TIAL1: variants seen among roughly 807,000 people sequenced by gnomAD.
TIAL1 encodes TIA1 cytotoxic granule associated RNA binding protein like 1, also known as nucleolysin TIAR.
A neutral mutation model predicts 59.7 loss-of-function variants in TIAL1; 7 were observed. That is an observed-to-expected ratio of 0.12 (90% CI 0.07 to 0.22). TIAL1 has a LOEUF of 0.22. TIAL1 is among the 10% of genes least tolerant of loss of function. The probability of loss-of-function intolerance (pLI) is 1.00; values close to 1 mark genes in which losing one functional copy is unlikely to be tolerated. For synonymous variants in TIAL1, 149 were observed against 146.3 expected (o/e 1.02, Z -0.13); for missense variants, 225 against 462.5 (o/e 0.49, Z 4.71).
In TIAL1 at chr10:119,575,623, C is replaced by T. The variant is rs755726615; in HGVS notation, c.*42G>A. ...ATGTCTTCAGAGTGTCACAGGAAAT[C>T]GAAGCCTATCATGAATTACAATTTT... On this transcript the variant is annotated 3_prime_UTR_variant, in exon 12 of 12. Transcript: ENST00000436547. 6.8e-6 allele frequency: 11 copies of T among 1,609,560 alleles called. No homozygotes were observed. The highest frequency in any genetic ancestry group is 6.7e-5 in the East Asian group (3 of 44,760).
intron 5 of TIAL1, chr10:119,581,672 C>A (rs1456253353): frequency 9.3e-6 from 3 of 321,018 alleles, no homozygotes; most frequent in Non-Finnish European, 1.1e-5. Context: ...AGATAACAAA[C>A]AGAATCACTT....
intron 1 of TIAL1, among the ~76,000 whole-genome samples, chr10:119,595,071 C>T (rs919484302): frequency 2.0e-4 from 31 of 152,268 alleles, no homozygotes; most frequent in African/African-American, 6.0e-4. Context: ...ATTCTCAAAA[C>T]GGGACGGATA....
chr10:119,579,810 A>G (rs1845218017), intron 6 of TIAL1, 125 bp downstream of exon 6: 1 of 645,998 alleles, frequency 1.5e-6, no homozygotes, highest in East Asian at 3.0e-5. Flanking sequence ...AAACATACAT[A>G]ACATTACATA....
Position 119,582,747 on chromosome 10 carries a change from A to G in TIAL1, c.130-190T>C. The G allele has an allele frequency of 1.4e-6, 1 of 728,278 alleles. No homozygotes were observed. The highest frequency in any genetic ancestry group is 3.1e-5 in the East Asian group (1 of 32,700). The allele number at this position is 728,278 out of a possible 1,614,324, so 45.1% of individuals were successfully genotyped here. A position where few individuals can be genotyped will look rare whatever the true frequency, so the allele number is the denominator to read the frequency against. ...ACTTTGCACCTCAGAATACTGCTGA[A>G]CTCAAACGGAACTATAAAAGCAGTT... On this transcript the variant is annotated intron_variant, in intron 2 of 11. Transcript: ENST00000436547. This position sits in a 1 kb window ranked among gnomAD's most constrained non-coding sequence, Gnocchi z 5.1.
chr10:119,595,469 G>C (rs1846120700), intron 1 of TIAL1, among the ~76,000 whole-genome samples: 1 of 151,538 alleles, frequency 6.6e-6, no homozygotes, highest in South Asian at 2.1e-4. Context: ...GAGAAAAGGA[G>C]TGCCACACTA....
At chr10:119,585,777 T>C (rs1294896768) in intron 2 of TIAL1, among the ~76,000 whole-genome samples, 1 of 152,220 alleles carries the variant, frequency 6.6e-6, no homozygotes, top group Admixed American at 6.5e-5. Context: ...ACCATGCCAC[T>C]GAAACTGCAT....
chr10:119,582,726 T>G lies in TIAL1; in HGVS notation c.130-169A>C. ...TAAGATTTAAAGCTAAACCTGACTT[T>G]GCACCTCAGAATACTGCTGAACTCA... On this transcript the variant is annotated intron_variant, in intron 2 of 11. Coordinates refer to ENST00000436547, the MANE Select transcript of TIAL1 (RefSeq NM_003252.4). The surrounding 1 kb of genome is among the most constrained non-coding windows in gnomAD (Gnocchi z 5.1). 9.6e-7 allele frequency: 1 copy of G among 1,044,088 alleles called. No individual in the cohort carries two copies. Among genetic ancestry groups the G allele is most frequent in the Non-Finnish European group, 1.3e-6 (1 of 767,958 alleles). 64.7% of individuals were successfully genotyped at this position (1,044,088 alleles called of 1,614,324 possible).
At position 119,588,240 on chromosome 10, in the gene TIAL1, C is replaced by A; in HGVS notation, c.41G>T (p.Gly14Val). The stretch of plus-strand genomic sequence containing the variant: ...TTCTGTCACATCTCTGGAAAGGTTA[C>A]CTACGTATCTGCACAAGAAAAAAAT... ...DDGQPRTLYV[G>V]NLSRDVTEVL... The change falls in exon 2 of 12, where the codon GGT (glycine) becomes GTT (valine). Residue 14 changes from glycine to valine, a missense_variant. Coordinates refer to ENST00000436547, the MANE Select transcript of TIAL1 (RefSeq NM_003252.4). 6.3e-7 allele frequency: 1 copy of A among 1,575,534 alleles called. No homozygotes were observed. The highest frequency in any genetic ancestry group is 8.6e-7 in the Non-Finnish European group (1 of 1,157,634).
rs1476199818 is a variant in TIAL1 at position 119,582,191 on chromosome 10, A to G, written c.261T>C (p.Ser87=). 18 of 1,606,328 alleles carry G rather than the reference A, an allele frequency of 1.1e-5. No homozygotes were observed. The highest frequency in any genetic ancestry group is 1.4e-5 in the Non-Finnish European group (17 of 1,177,668). The stretch of plus-strand genomic sequence containing the variant: ...TACTGGAAGTATCTTTTTTCTGGCT[A>G]CTTGGTGTGGTTGCCCAGTTTACTT... ...EVKVNWATTP[S]SQKKDTSNHF... The change falls in exon 4 of 12, where the codon AGT becomes AGC. Residue 87 remains serine (S), a synonymous_variant. Transcript: ENST00000436547. This position sits in a 1 kb window ranked among gnomAD's most constrained non-coding sequence, Gnocchi z 5.1.
At chr10:119,575,820 A>T in intron 11 of TIAL1, 29 bp from the exon 12 acceptor site, 1 of 1,519,418 alleles carries the variant, frequency 6.6e-7, no homozygotes, top group Non-Finnish European at 8.8e-7. Flanking sequence ...AATCTTCAGC[A>T]AACACAAGAA....
At chr10:119,585,908 C>T (rs908408765) in intron 2 of TIAL1, among the ~76,000 whole-genome samples, 2 of 152,190 alleles carry the variant, frequency 1.3e-5, no homozygotes, top group Non-Finnish European at 2.9e-5. Context: ...TCTTCTGTCT[C>T]CTACCACACT....
chr10:119,589,687 A>C (rs1216812649), intron 1 of TIAL1, among the ~76,000 whole-genome samples: 1 of 152,202 alleles, frequency 6.6e-6, no homozygotes, highest in East Asian at 1.9e-4. Flanking sequence ...GAAAGTTTAA[A>C]AAAGAAAAGA....
At chr10:119,593,736 ACC>A (rs755691451) in intron 1 of TIAL1, among the ~76,000 whole-genome samples, 4 of 152,210 alleles carry the variant, frequency 2.6e-5, no homozygotes, top group Non-Finnish European at 4.4e-5. Flanking sequence ...ATCTAATAGA[ACC>A]CTTTGAGAAT....
chr10:119,596,378 C>T (rs1397135317), intron 1 of TIAL1, 56 bp downstream of exon 1: 3 of 1,601,674 alleles, frequency 1.9e-6, no homozygotes, highest in Non-Finnish European at 2.6e-6. Flanking sequence ...CCTCCCTTAG[C>T]GTCCCGCGGT....
intron 1 of TIAL1, among the ~76,000 whole-genome samples, chr10:119,590,794 A>C (rs184983534): frequency 1.4e-5 from 2 of 147,068 alleles, no homozygotes; most frequent in African/African-American, 5.3e-5. Flanking sequence ...GAAAGAAAGA[A>C]AGAAAGAAAG....
rs369234828 is a variant in TIAL1 at position 119,576,715 on chromosome 10, C to T, written c.897G>A (p.Val299=). 84 of 1,614,014 alleles carry T rather than the reference C, an allele frequency of 5.2e-5. No homozygotes were observed. Among genetic ancestry groups the T allele is most frequent in the Admixed American group, 2.0e-4 (12 of 59,996 alleles). ...DYSQWGQWSQ[V]YGNPQQYGQY... ...GTCCATACTGTTGTGGGTTTCCATACACTTGGCTCCATTGGCCCCATTGAC... is the reference window on the plus strand; with the variant it reads ...GTCCATACTGTTGTGGGTTTCCATATACTTGGCTCCATTGGCCCCATTGAC... The change falls in exon 11 of 12, where the codon GTG becomes GTA. Residue 299 remains valine (V), a synonymous_variant. Coordinates refer to ENST00000436547, the MANE Select transcript of TIAL1 (RefSeq NM_003252.4).
chr10:119,582,123 A>C lies in TIAL1; in HGVS notation c.283+46T>G, dbSNP rs759563676. 1 of 1,599,424 alleles carries C rather than the reference A, an allele frequency of 6.3e-7. No homozygotes were observed. Among genetic ancestry groups the C allele is most frequent in the Non-Finnish European group, 8.5e-7 (1 of 1,173,958 alleles). On this transcript the variant is annotated intron_variant, in intron 4 of 11. Transcript: ENST00000436547. The surrounding 1 kb of genome is among the most constrained non-coding windows in gnomAD (Gnocchi z 5.1). ...TATTTAAGCTGGTAATGCCTCCTGG[A>C]TAATTTCAGAACTCTTCCACAGTAA...
At chr10:119,584,689 T>C (rs993630285) in intron 2 of TIAL1, among the ~76,000 whole-genome samples, 6 of 151,792 alleles carry the variant, frequency 4.0e-5, no homozygotes, top group Admixed American at 2.6e-4. Context: ...ATTAGCTGGG[T>C]GTGGTGGCGG....
chr10:119,596,193 G>A (rs1846178019), intron 1 of TIAL1, among the ~76,000 whole-genome samples: 1 of 152,160 alleles, frequency 6.6e-6, no homozygotes, highest in Non-Finnish European at 1.5e-5. Context: ...ATGCAAAGAA[G>A]GACGCCAGAG....
Sources: allele counts gnomAD v4.1 joint callset (sites outside exome capture counted in the v4.1 genomes callset), GRCh38; gene constraint gnomAD v4.1.1; non-coding constraint Gnocchi (gnomAD v3.1); transcripts MANE v1.5; gene names NCBI Gene and HGNC (gene_info 2026-07-23, HGNC 2026-07-21).